KIAA1217: variants seen among roughly 807,000 people sequenced by gnomAD.
The protein encoded by KIAA1217 is sickle tail protein homolog.
In KIAA1217, 88 loss-of-function variants were observed where a neutral mutation model predicts 163.9. The observed-to-expected ratio is 0.54, with a 90% confidence interval of 0.45 to 0.64. The LOEUF is 0.64. KIAA1217 is among the 30% of genes least tolerant of loss of function. The pLI is 0.00. For synonymous variants in KIAA1217, 903 were observed against 923.1 expected (o/e 0.98, Z 0.39); for missense variants, 2,372 against 2,475.0 (o/e 0.96, Z 0.88).
intron 2 of KIAA1217, among the ~76,000 whole-genome samples, chr10:24,055,336 C>T (rs917461444): frequency 6.6e-6 from 1 of 152,100 alleles, no homozygotes; most frequent in Non-Finnish European, 1.5e-5. Flanking sequence ...ATAATCTAGT[C>T]TATAATGTCT....
At chr10:24,370,323 A>G (rs7904197) in intron 2 of KIAA1217, among the ~76,000 whole-genome samples, 22,687 of 149,890 alleles carry the variant, frequency 0.15, 2,003 homozygotes, top group South Asian at 0.28. Flanking sequence ...AAAATCAAAA[A>G]GCAAAATCTC....
intron 2 of KIAA1217, among the ~76,000 whole-genome samples, chr10:24,120,882 T>G (rs753363226): frequency 2.0e-5 from 3 of 152,198 alleles, no homozygotes; most frequent in South Asian, 2.1e-4. Context: ...GAGATGATGA[T>G]GAGGAAGATG....
intron 1 of KIAA1217, among the ~76,000 whole-genome samples, chr10:23,865,110 G>A (rs1447199268): frequency 6.6e-6 from 1 of 152,122 alleles, no homozygotes; most frequent in African/African-American, 2.4e-5. Flanking sequence ...CCACCACAGT[G>A]TATTTCTTTA....
chr10:24,531,067 T>A (rs1267988324), intron 14 of KIAA1217, among the ~76,000 whole-genome samples: 1 of 151,072 alleles, frequency 6.6e-6, no homozygotes, highest in Non-Finnish European at 1.5e-5. Flanking sequence ...TAGCCAGGTG[T>A]TGTGACACAC....
chr10:23,993,504 A>G (rs1166383865), intron 1 of KIAA1217, among the ~76,000 whole-genome samples: 1 of 146,284 alleles, frequency 6.8e-6, no homozygotes, highest in Non-Finnish European at 1.5e-5. Context: ...AGATTATCCA[A>G]CTCTTTCAGA....
chr10:24,097,497 C>A (rs951863341), intron 2 of KIAA1217, among the ~76,000 whole-genome samples: 1 of 152,020 alleles, frequency 6.6e-6, no homozygotes, highest in Non-Finnish European at 1.5e-5. Flanking sequence ...AGGCTGTAGT[C>A]ACATCACTGC....
At chr10:23,747,281 G>C (rs1839463653) in intron 1 of KIAA1217, among the ~76,000 whole-genome samples, 1 of 152,272 alleles carries the variant, frequency 6.6e-6, no homozygotes, top group Middle Eastern at 3.4e-3. Context: ...AGGTAATGAA[G>C]ATGTCCAGGG....
intron 2 of KIAA1217, among the ~76,000 whole-genome samples, chr10:24,225,107 G>A (rs1050054304): frequency 3.9e-5 from 6 of 152,108 alleles, no homozygotes; most frequent in African/African-American, 1.2e-4. Context: ...TTACAGGCGT[G>A]AGCCACCATG....
chr10:24,517,619 A>G (rs1321453694), intron 10 of KIAA1217, among the ~76,000 whole-genome samples: 8 of 152,190 alleles, frequency 5.3e-5, no homozygotes, highest in Admixed American at 3.9e-4. Context: ...GTACTAGAAT[A>G]TAAGTCTCCT....
At chr10:24,535,503 A>C (rs1197029690) in intron 16 of KIAA1217, among the ~76,000 whole-genome samples, 1 of 152,200 alleles carries the variant, frequency 6.6e-6, no homozygotes, top group Non-Finnish European at 1.5e-5. Context: ...CACCAGGCAC[A>C]GTGGCTTATA....
intron 1 of KIAA1217, among the ~76,000 whole-genome samples, chr10:23,987,397 C>A (rs1323775116): frequency 2.5e-5 from 3 of 121,354 alleles, no homozygotes; most frequent in Non-Finnish European, 5.6e-5. Flanking sequence ...AAAAAAGCCA[C>A]CCTTCTTACT....
chr10:24,114,358 A>G (rs1432098562), intron 2 of KIAA1217, among the ~76,000 whole-genome samples: 1 of 151,962 alleles, frequency 6.6e-6, no homozygotes, highest in Non-Finnish European at 1.5e-5. Context: ...ATAATAAAAG[A>G]AACAATTCCA....
At chr10:23,827,783 A>C (rs193043011) in intron 1 of KIAA1217, among the ~76,000 whole-genome samples, 122 of 152,338 alleles carry the variant, frequency 8.0e-4, no homozygotes, top group African/African-American at 2.7e-3. Flanking sequence ...CGACAGCCTG[A>C]AATTGCTGAG....
At chr10:24,292,351 T>G (rs1303341646) in intron 2 of KIAA1217, among the ~76,000 whole-genome samples, 2 of 152,186 alleles carry the variant, frequency 1.3e-5, no homozygotes, top group Non-Finnish European at 2.9e-5. Context: ...ACTGTATTTC[T>G]CTATTCCAAA....
intron 1 of KIAA1217, among the ~76,000 whole-genome samples, chr10:23,742,451 G>C (rs1409900243): frequency 6.6e-6 from 1 of 152,196 alleles, no homozygotes. Flanking sequence ...TCTTCAGGCT[G>C]TGTAGAAAAG....
At chr10:24,296,117 T>C (rs2040570623) in intron 2 of KIAA1217, among the ~76,000 whole-genome samples, 1 of 152,084 alleles carries the variant, frequency 6.6e-6, no homozygotes, top group Non-Finnish European at 1.5e-5. Flanking sequence ...TCTTTTTTCT[T>C]TTTGGAGACA....
At chr10:24,310,517 A>C (rs2042563672) in intron 2 of KIAA1217, among the ~76,000 whole-genome samples, 1 of 152,236 alleles carries the variant, frequency 6.6e-6, no homozygotes, top group Non-Finnish European at 1.5e-5. Context: ...AAACTTTCTC[A>C]GTTTTCAGGA....
At chr10:24,459,011 AC>A (rs1473951031) in intron 5 of KIAA1217, among the ~76,000 whole-genome samples, 7 of 151,754 alleles carry the variant, frequency 4.6e-5, no homozygotes, top group Non-Finnish European at 1.5e-5. Context: ...ATTCCTCGGC[AC>A]CACCCGAGAC....
chr10:24,183,864 TAA>T (rs2066296410), intron 2 of KIAA1217, among the ~76,000 whole-genome samples: 1 of 152,210 alleles, frequency 6.6e-6, no homozygotes, highest in Admixed American at 6.5e-5. Context: ...TCAAATATAT[TAA>T]GACAACTGCC....
Sources: allele counts gnomAD v4.1 joint callset (sites outside exome capture counted in the v4.1 genomes callset), GRCh38; gene constraint gnomAD v4.1.1; transcripts MANE v1.5; gene names NCBI Gene and HGNC (gene_info 2026-07-23, HGNC 2026-07-21).